Variants in CACNA2D3 observed in about 807,000 individuals in gnomAD.
CACNA2D3 encodes the protein calcium voltage-gated channel auxiliary subunit alpha2delta 3, also known as voltage-dependent calcium channel subunit alpha-2/delta-3.
Under a neutral mutation model 160.6 loss-of-function variants are expected in CACNA2D3, and 60 were observed. The observed-to-expected ratio is 0.37, with a 90% CI of 0.30 to 0.46. CACNA2D3 has a LOEUF of 0.46. Among genes scored for constraint, CACNA2D3 ranks in the 20% least tolerant of loss-of-function variants. CACNA2D3 has a pLI of 1.00. For synonymous variants in CACNA2D3, 558 were observed against 492.9 expected (o/e 1.13, Z -1.75); for missense variants, 1,205 against 1,365.0 (o/e 0.88, Z 1.85).
chr3:54,141,086 T>TGTGTGTGTGTGTGTGTGCGC (rs61601297), intron 2 of CACNA2D3, among the ~76,000 whole-genome samples: 1 of 119,800 alleles, frequency 8.3e-6, no homozygotes, highest in Non-Finnish European at 1.8e-5. Flanking sequence ...TGTGTGTGTG[T>TGTGTGTGTGTGTGTGTGCGC]GCGCGCGCGC....
intron 2 of CACNA2D3, among the ~76,000 whole-genome samples, chr3:54,155,782 G>A (rs1240909520): frequency 2.0e-5 from 3 of 152,190 alleles, no homozygotes; most frequent in Non-Finnish European, 2.9e-5. Flanking sequence ...CACCAAACCT[G>A]TGACCGTGGG....
At chr3:54,854,455 A>G (rs2246910) in intron 17 of CACNA2D3, among the ~76,000 whole-genome samples, 113,327 of 151,566 alleles carry the variant, frequency 0.75, 42,743 homozygotes, top group Admixed American at 0.83. Flanking sequence ...TTGAGAACCC[A>G]CAGCTCCTGT....
chr3:54,810,920 C>G (rs185669162), intron 13 of CACNA2D3, among the ~76,000 whole-genome samples: 23 of 152,252 alleles, frequency 1.5e-4, no homozygotes. Context: ...TTATCAGGGC[C>G]TCAGATCTCT....
In CACNA2D3 at chr3:54,485,599, T is replaced by C. The variant is rs1349703274; in HGVS notation, c.382-17893T>C. Among the ~76,000 whole-genome samples, 6 of 151,920 alleles carry C rather than the reference T, an allele frequency of 3.9e-5. No homozygotes were observed. The East Asian group carries it at 1.2e-3, about 30-fold the overall frequency. On this transcript the variant is annotated intron_variant, in intron 4 of 37. Coordinates refer to ENST00000474759, the MANE Select transcript of CACNA2D3 (RefSeq NM_018398.3). ...TTTTTTTTTTGAGACAGAGTTGCCC[T>C]GTCATCCAGGCTGGAGTGCAGTTGT...
chr3:54,506,786 C>T (rs965345723), intron 5 of CACNA2D3, among the ~76,000 whole-genome samples: 2 of 152,092 alleles, frequency 1.3e-5, no homozygotes, highest in South Asian at 2.1e-4. Context: ...CTTACTATTT[C>T]GGAGACTTTG....
chr3:54,880,501 A>T (rs765236967), intron 20 of CACNA2D3, among the ~76,000 whole-genome samples: 1 of 152,214 alleles, frequency 6.6e-6, no homozygotes, highest in Admixed American at 6.5e-5. Flanking sequence ...TTGGGAGGGC[A>T]TCTGAGAGAA....
intron 17 of CACNA2D3, among the ~76,000 whole-genome samples, chr3:54,861,778 C>T (rs982834237): frequency 6.6e-6 from 1 of 152,210 alleles, no homozygotes; most frequent in Non-Finnish European, 1.5e-5. Flanking sequence ...GCTTGCTTTG[C>T]CTGGCTCACG....
At chr3:54,421,364 T>C (rs566534383) in intron 4 of CACNA2D3, among the ~76,000 whole-genome samples, 1 of 152,356 alleles carries the variant, frequency 6.6e-6, no homozygotes, top group Non-Finnish European at 1.5e-5. Context: ...CTGAGACTTG[T>C]GACAGTCGGA....
intron 11 of CACNA2D3, among the ~76,000 whole-genome samples, chr3:54,709,896 G>A (rs1343440848): frequency 2.0e-5 from 3 of 152,162 alleles, no homozygotes; most frequent in African/African-American, 7.2e-5. Context: ...CTGCACTCTA[G>A]CCTGCATGAA....
chr3:54,145,959 C>G (rs1700021975), intron 2 of CACNA2D3, among the ~76,000 whole-genome samples: 1 of 152,102 alleles, frequency 6.6e-6, no homozygotes, highest in Admixed American at 6.5e-5. Context: ...TTTTCACCTA[C>G]TTTCTCTTCA....
chr3:54,907,593 C>A (rs1195783925), intron 27 of CACNA2D3, among the ~76,000 whole-genome samples: 9 of 152,310 alleles, frequency 5.9e-5, no homozygotes, highest in Admixed American at 2.0e-4. Context: ...CACTGCTGCT[C>A]ACTAGTCAGT....
chr3:54,810,244 A>G (rs1291485990), intron 13 of CACNA2D3, among the ~76,000 whole-genome samples: 1 of 152,184 alleles, frequency 6.6e-6, no homozygotes, highest in Non-Finnish European at 1.5e-5. Flanking sequence ...TCTGGGTGCC[A>G]TGTAAAGGAA....
At chr3:54,273,308 G>C (rs936886374) in intron 2 of CACNA2D3, 1 of 152,246 alleles carries the variant, frequency 6.6e-6, no homozygotes, top group Admixed American at 6.5e-5. Context: ...TTTGTCGGCT[G>C]TTCAGAAGTG....
At chr3:54,650,820 A>C (rs1185465318) in intron 11 of CACNA2D3, among the ~76,000 whole-genome samples, 1 of 152,186 alleles carries the variant, frequency 6.6e-6, no homozygotes, top group African/African-American at 2.4e-5. Flanking sequence ...AGAATGTTTT[A>C]AACCAATTTC....
At chr3:54,538,617 A>T (rs1450687056) in intron 5 of CACNA2D3, among the ~76,000 whole-genome samples, 3 of 152,160 alleles carry the variant, frequency 2.0e-5, no homozygotes, top group Non-Finnish European at 4.4e-5. Flanking sequence ...CACAGGGGCT[A>T]CCTCAAGGGA....
At chr3:54,417,597 A>C (rs545381159) in intron 4 of CACNA2D3, among the ~76,000 whole-genome samples, 1 of 152,200 alleles carries the variant, frequency 6.6e-6, no homozygotes, top group Non-Finnish European at 1.5e-5. Flanking sequence ...TCCTAAGGGA[A>C]ATAATGTCTG....
chr3:54,957,053 C>T (rs1701915593), intron 27 of CACNA2D3, among the ~76,000 whole-genome samples: 1 of 152,112 alleles, frequency 6.6e-6, no homozygotes, highest in Non-Finnish European at 1.5e-5. Flanking sequence ...AAGCTTCTAG[C>T]AGACACCTGG....
At chr3:54,386,923 T>C in intron 4 of CACNA2D3, 149 bp downstream of exon 4, 1 of 692,564 alleles carries the variant, frequency 1.4e-6, no homozygotes, top group Non-Finnish European at 2.4e-6. Flanking sequence ...GACAGGATTC[T>C]TAAGCAATCC....
At chr3:54,849,960 TTCTTTAA>T (rs751042600) in intron 17 of CACNA2D3, among the ~76,000 whole-genome samples, 54 of 152,342 alleles carry the variant, frequency 3.5e-4, no homozygotes, top group South Asian at 2.5e-3. Context: ...ATCCAGTATT[TTCTTTAA>T]TCTTGTGTGA....
Sources: gnomAD v4.1 joint callset for allele counts (sites outside exome capture counted in the v4.1 genomes callset) on GRCh38, gnomAD v4.1.1 for gene constraint, MANE v1.5 for transcripts, NCBI Gene and HGNC (gene_info 2026-07-23, HGNC 2026-07-21) for gene names.